Variants in NUP153 observed in about 807,000 individuals in gnomAD.
The protein encoded by NUP153 is nuclear pore complex protein Nup153.
NUP153 carries 27 observed loss-of-function variants against 134.6 expected under a neutral mutation model. The observed-to-expected ratio is 0.20, with a 90% CI of 0.15 to 0.28. NUP153 has a LOEUF of 0.28. Ranked by LOEUF, NUP153 falls within the 10% of genes least tolerant of loss-of-function variation. The pLI, the probability that NUP153 is intolerant of heterozygous loss-of-function variation, is 1.00. For missense variants in NUP153, 1,821 were observed against 1,731.3 expected (o/e 1.05, Z -0.92); for synonymous variants, 640 against 623.5 (o/e 1.03, Z -0.40).
intron 2 of NUP153, among the ~76,000 whole-genome samples, chr6:17,678,434 CAAATAGAAAT>C (rs1768366724): frequency 1.3e-5 from 2 of 150,110 alleles, no homozygotes; most frequent in South Asian, 4.2e-4. Context: ...TTCTAAACTC[CAAATAGAAAT>C]AAAGAGTGAA....
In NUP153 at chr6:17,629,272, C is replaced by T. The variant is rs756959925; in HGVS notation, c.2927G>A (p.Ser976Asn). 1.9e-6 allele frequency: 3 copies of T among 1,611,602 alleles called. No homozygotes were observed. The highest frequency in any genetic ancestry group is 2.2e-5 in the East Asian group (1 of 44,866). The change falls in exon 18 of 22, where the codon AGT (serine) becomes AAT (asparagine). Residue 976 changes from serine (S) to asparagine (N), a missense_variant. Ser to Asn is a conservative substitution (Grantham distance 46). Transcript: ENST00000262077. The stretch of plus-strand genomic sequence containing the variant: ...TCCAAACTTAAAATTATCATTCTTA[C>T]TATCTTTTTTAACTTCTTCGGGCTT... Reference protein sequence around the residue: ...ESKPEEVKKDSKNDNFKFGLS... With the variant: ...ESKPEEVKKDNKNDNFKFGLS...
chr6:17,620,341 G>T (rs183377733), intron 20 of NUP153, among the ~76,000 whole-genome samples: 4 of 152,036 alleles, frequency 2.6e-5, no homozygotes, highest in African/African-American at 9.7e-5. Context: ...ACAAATCCAC[G>T]TATTTACAGC....
intron 20 of NUP153, among the ~76,000 whole-genome samples, chr6:17,622,443 C>A (rs372015889): frequency 6.6e-6 from 1 of 152,096 alleles, no homozygotes; most frequent in South Asian, 2.1e-4. Context: ...CCAGTTTGTG[C>A]GGCAAGGTGA....
intron 20 of NUP153, among the ~76,000 whole-genome samples, chr6:17,617,563 G>A (rs1764398304): frequency 6.6e-6 from 1 of 151,680 alleles, no homozygotes; most frequent in South Asian, 2.1e-4. Flanking sequence ...GTAATTATCA[G>A]TGGGTGCAGT....
rs371255123 is a variant in NUP153, at chr6:17,642,166, G to C, written c.1721-2102C>G. 8.5e-5 allele frequency among the ~76,000 whole-genome samples: 13 copies of C among 152,210 alleles called. No individual in the cohort carries two copies. In the East Asian group the frequency reaches 1.9e-3, roughly 23 times the overall value. ...CTAGGGAGTATAGCTTCAAGACCAT[G>C]GATTTGGCAATGTATTCTTAGATAT... On this transcript the variant is annotated intron_variant, in intron 14 of 21. Transcript: ENST00000262077.
At chr6:17,643,291 A>G (rs1765951056) in intron 14 of NUP153, among the ~76,000 whole-genome samples, 1 of 152,136 alleles carries the variant, frequency 6.6e-6, no homozygotes, top group South Asian at 2.1e-4. Context: ...TGGCAACATG[A>G]CGAAACCCCT....
chr6:17,628,671 T>G lies in NUP153; in HGVS notation c.3528A>C (p.Gln1176His). Residue 1176 changes from glutamine to histidine, a missense_variant, in exon 18 of 22, where the codon CAA becomes CAC. Physicochemically the swap from Gln to His is conservative, Grantham distance 24. Transcript: ENST00000262077. The surrounding 1 kb of genome is among the most constrained non-coding windows in gnomAD (Gnocchi z 5.4). ...AATACTTACCAGCTGTAGTACTAGT[T>G]TGAGCTCCAAAGGCAAAAGTGGCTT... ...PAKATFAFGA[Q>H]TSTTADQGAA... 6.2e-7 allele frequency: 1 copy of G among 1,601,964 alleles called. No individual in the cohort carries two copies. Among genetic ancestry groups the G allele is most frequent in the South Asian group, 1.1e-5 (1 of 89,986 alleles).
intron 1 of NUP153, among the ~76,000 whole-genome samples, chr6:17,703,098 T>C (rs1319127377): frequency 2.8e-5 from 4 of 144,140 alleles, no homozygotes; most frequent in Non-Finnish European, 6.0e-5. Flanking sequence ...CTTGGGAGGC[T>C]GAGGCAAGAG....
intron 2 of NUP153, among the ~76,000 whole-genome samples, chr6:17,684,195 T>C (rs1363953134): frequency 6.6e-6 from 1 of 152,228 alleles, no homozygotes; most frequent in Non-Finnish European, 1.5e-5. Context: ...CTTTTCTTTA[T>C]AAATTACCCA....
Position 17,626,023 on chromosome 6 carries a change from C to G in NUP153, c.3686G>C (p.Gly1229Ala). Residue 1229 changes from glycine to alanine, a missense_variant, in exon 19 of 22, where the codon GGA becomes GCA. Transcript: ENST00000262077. ...SNPPVATFVF[G>A]QSSNPVSSSA... is the part of the protein sequence containing the mutation. ...GCTGCTCACAGGATTGCTGGACTGT[C>G]CAAACACAAAGGTAGCCACAGGTGG... 6.2e-7 allele frequency: 1 copy of G among 1,614,136 alleles called. No individual in the cohort carries two copies. Among genetic ancestry groups the G allele is most frequent in the Non-Finnish European group, 8.5e-7 (1 of 1,180,030 alleles).
chr6:17,616,487 A>G (rs774920790), intron 21 of NUP153, 40 bp downstream of exon 21: 1 of 1,553,792 alleles, frequency 6.4e-7, no homozygotes, highest in Non-Finnish European at 8.8e-7. Context: ...ACATACCCTT[A>G]CCAATGTAAC....
At chr6:17,631,334 GTAGA>G (rs1765241526) in intron 17 of NUP153, among the ~76,000 whole-genome samples, 2 of 152,148 alleles carry the variant, frequency 1.3e-5, no homozygotes, top group African/African-American at 4.8e-5. Flanking sequence ...TAATTACAAA[GTAGA>G]TAAAGCTTGC....
At chr6:17,694,430 G>A (rs541827057) in intron 1 of NUP153, among the ~76,000 whole-genome samples, 1 of 152,244 alleles carries the variant, frequency 6.6e-6, no homozygotes, top group South Asian at 2.1e-4. Context: ...AGGCCGACGC[G>A]GGCGGATTAC....
At chr6:17,617,016 C>G (rs1045438996) in intron 20 of NUP153, among the ~76,000 whole-genome samples, 8 of 152,222 alleles carry the variant, frequency 5.3e-5, no homozygotes, top group Non-Finnish European at 1.0e-4. Context: ...TCCCAAAGTG[C>G]TGGATTACAG....
At position 17,688,462 on chromosome 6, in the gene NUP153, C is replaced by T. The variant is rs16879902; in HGVS notation, c.268G>A (p.Asp90Asn). The T allele has an allele frequency of 0.085, 137,193 of 1,613,750 alleles. 6,353 individuals are homozygous for T. Among genetic ancestry groups the T allele is most frequent in the Admixed American group, 0.14 (8,531 of 60,006 alleles). ...ENKEDHLVYADEESSNITDGR... is the reference protein window; with the variant it reads ...ENKEDHLVYANEESSNITDGR... ...TCAGTAATATTAGAGCTCTCCTCAT[C>T]GGCATATACCAGATGGTCCTCTTTA... The change falls in exon 2 of 22, where the codon GAT becomes AAT. Residue 90 changes from aspartate (D) to asparagine (N), a missense_variant. Transcript: ENST00000262077.
intron 2 of NUP153, among the ~76,000 whole-genome samples, chr6:17,678,298 G>C (rs928427364): frequency 2.1e-5 from 3 of 140,196 alleles, no homozygotes; most frequent in Admixed American, 7.3e-5. Flanking sequence ...AGAGGTTGCA[G>C]TGAGCTAAGA....
At chr6:17,633,725 C>T (rs1159872897) in intron 16 of NUP153, among the ~76,000 whole-genome samples, 1 of 152,190 alleles carries the variant, frequency 6.6e-6, no homozygotes, top group African/African-American at 2.4e-5. Flanking sequence ...ATAGTGCTGA[C>T]AGTGAAGCCA....
At position 17,669,736 on chromosome 6, in the gene NUP153, A is replaced by G. The variant is rs148448624; in HGVS notation, c.853-190T>C. ...TCTTTATGCCTTTACTGGAAATCCA[A>G]TTCTCTGATTGAGAAATTACCTTTA... is the stretch of plus-strand genomic sequence containing the variant. On this transcript the variant is annotated intron_variant, in intron 5 of 21. Coordinates refer to ENST00000262077, the MANE Select transcript of NUP153 (RefSeq NM_005124.4). Among the ~76,000 whole-genome samples the G allele has an allele frequency of 5.0e-3, 762 of 152,282 alleles. 5 individuals are homozygous for G. The highest frequency in any genetic ancestry group is 0.016 in the African/African-American group (657 of 41,554).
chr6:17,665,145 T>C (rs942065378), intron 9 of NUP153, 94 bp downstream of exon 9: 3 of 892,518 alleles, frequency 3.4e-6, no homozygotes, highest in Admixed American at 2.6e-5. Flanking sequence ...TGTTATACAG[T>C]TGCTAGAATA....
Sources: gnomAD v4.1 joint callset for allele counts (sites outside exome capture counted in the v4.1 genomes callset) on GRCh38, gnomAD v4.1.1 for gene constraint, Gnocchi (gnomAD v3.1) non-coding constraint, MANE v1.5 for transcripts, NCBI Gene and HGNC (gene_info 2026-07-23, HGNC 2026-07-21) for gene names.